PTPRT: variants seen among roughly 807,000 people sequenced by gnomAD.
PTPRT encodes the protein protein tyrosine phosphatase receptor type T.
PTPRT carries 56 observed loss-of-function variants against 176.8 expected under a neutral mutation model. The ratio of observed to expected loss-of-function variants is 0.32; its 90% confidence interval spans 0.26 to 0.40. The LOEUF is 0.40. Ranked by LOEUF, PTPRT falls within the 10% of genes least tolerant of loss-of-function variation. The probability of loss-of-function intolerance (pLI) is 1.00; values close to 1 mark genes in which losing one functional copy is unlikely to be tolerated. For missense variants in PTPRT, 1,540 were observed against 1,908.2 expected (o/e 0.81, Z 3.60); for synonymous variants, 783 against 739.0 (o/e 1.06, Z -0.96).
Position 42,084,802 on chromosome 20 carries a change from C to A in PTPRT, c.4016G>T (p.Gly1339Val). The A allele has an allele frequency of 6.5e-7, 1 of 1,545,968 alleles. No individual in the cohort carries two copies. Among genetic ancestry groups the A allele is most frequent in the South Asian group, 1.3e-5 (1 of 76,228 alleles). Residue 1339 changes from glycine (G) to valine (V), a missense_variant, in exon 29 of 31, where the codon GGC becomes GTC. Gly to Val is a moderately radical substitution (Grantham distance 109, BLOSUM62 -3). Coordinates refer to ENST00000373187, the MANE Select transcript of PTPRT (RefSeq NM_007050.6). ...GGGCGTGTCCCGGTAGGCAGGCCAG[C>A]CAATGTACTGGAGGTGCTGGACTAT... ...YRIVQHLQYI[G>V]WPAYRDTPPS... is the part of the protein sequence containing the mutation.
chr20:42,423,050 G>A (rs1446803686), intron 9 of PTPRT, among the ~76,000 whole-genome samples: 2 of 152,148 alleles, frequency 1.3e-5, no homozygotes, highest in East Asian at 3.9e-4. Flanking sequence ...TTCAGAGGGT[G>A]GAAGGTGGGA....
chr20:42,475,713 C>G (rs1256405108), intron 7 of PTPRT, among the ~76,000 whole-genome samples: 3 of 152,218 alleles, frequency 2.0e-5, no homozygotes, highest in African/African-American at 7.2e-5. Context: ...ACATTTAGTG[C>G]AAAGCTGACC....
At chr20:42,746,990 G>A (rs1393154774) in intron 6 of PTPRT, among the ~76,000 whole-genome samples, 1 of 152,138 alleles carries the variant, frequency 6.6e-6, no homozygotes, top group Non-Finnish European at 1.5e-5. Flanking sequence ...CACATGGTGG[G>A]GTGGGTAAGT....
intron 7 of PTPRT, among the ~76,000 whole-genome samples, chr20:42,662,964 ATATGTGTG>A (rs1364995252): frequency 1.7e-5 from 2 of 115,908 alleles, no homozygotes; most frequent in African/African-American, 7.6e-5. Context: ...ATACCTGAAT[ATATGTGTG>A]TGTGTGTGTG....
At chr20:43,150,597 C>T (rs973486357) in intron 1 of PTPRT, among the ~76,000 whole-genome samples, 3 of 152,166 alleles carry the variant, frequency 2.0e-5, no homozygotes, top group Admixed American at 6.5e-5. Context: ...GCTGGGACAA[C>T]AGGCACGTGT....
chr20:42,990,322 TG>T, intron 1 of PTPRT, among the ~76,000 whole-genome samples: 2 of 152,320 alleles, frequency 1.3e-5, no homozygotes, highest in Middle Eastern at 6.8e-3. Context: ...ATTTAGATAC[TG>T]CATTGAGGAT....
intron 15 of PTPRT, among the ~76,000 whole-genome samples, chr20:42,218,765 C>T (rs931135832): frequency 2.0e-5 from 3 of 152,248 alleles, no homozygotes; most frequent in Admixed American, 2.0e-4. Context: ...TGCACTGTCT[C>T]ATGCATTATG....
At position 42,682,180 on chromosome 20, in the gene PTPRT, T is replaced by A. The variant is rs568095241; in HGVS notation, c.860-4021A>T. 5.5e-4 allele frequency among the ~76,000 whole-genome samples: 84 copies of A among 152,258 alleles called. 1 individual carries two copies. Among genetic ancestry groups the A allele is most frequent in the African/African-American group, 2.0e-3 (83 of 41,542 alleles). On this transcript the variant is annotated intron_variant, in intron 6 of 30. Transcript: ENST00000373187. ...GAAGGCATAAGAAAAATTTGGGAGG[T>A]TATAACCATTTCTGTATCTTAACTG...
intron 1 of PTPRT, among the ~76,000 whole-genome samples, chr20:42,997,769 T>C (rs1212208491): frequency 6.6e-6 from 1 of 152,166 alleles, no homozygotes; most frequent in East Asian, 1.9e-4. Context: ...TGATCATTGT[T>C]GGTATCGTTC....
At chr20:42,888,529 G>T (rs1342762804) in intron 1 of PTPRT, among the ~76,000 whole-genome samples, 2 of 152,194 alleles carry the variant, frequency 1.3e-5, no homozygotes, top group African/African-American at 4.8e-5. Context: ...TAAATGACCT[G>T]CTCAGGCAAC....
chr20:42,177,347 A>G (rs1366139287), intron 16 of PTPRT, among the ~76,000 whole-genome samples: 1 of 152,252 alleles, frequency 6.6e-6, no homozygotes, highest in African/African-American at 2.4e-5. Context: ...CTCTTAAAAA[A>G]GCAAACATTA....
chr20:43,108,594 A>C (rs2146337628), intron 1 of PTPRT, among the ~76,000 whole-genome samples: 1 of 152,248 alleles, frequency 6.6e-6, no homozygotes, highest in East Asian at 1.9e-4. Flanking sequence ...AGGACAGATA[A>C]GAAATCTGCC....
chr20:42,084,540 G>A lies in PTPRT; in HGVS notation c.4136+142C>T, dbSNP rs189919867. ...TTAAAGGATCATAATTCCTTTGAAT[G>A]TACTGCCACTAGCCTTTGAGGGATG... On this transcript the variant is annotated intron_variant, in intron 29 of 30. Transcript: ENST00000373187. 14 of 649,146 alleles carry A rather than the reference G, an allele frequency of 2.2e-5. No individual in the cohort carries two copies. The East Asian group carries it at 4.1e-4, about 19-fold the overall frequency. 40.2% of individuals were successfully genotyped at this position (649,146 alleles called of 1,614,324 possible). A position where few individuals can be genotyped will look rare whatever the true frequency, so the allele number is the denominator to read the frequency against.
chr20:42,551,565 T>C (rs756310169), intron 7 of PTPRT, among the ~76,000 whole-genome samples: 5 of 152,218 alleles, frequency 3.3e-5, no homozygotes, highest in Non-Finnish European at 5.9e-5. Flanking sequence ...TAGTCAATGC[T>C]TATCTGGTGT....
At chr20:42,330,854 T>G (rs1277370438) in intron 11 of PTPRT, among the ~76,000 whole-genome samples, 1 of 152,196 alleles carries the variant, frequency 6.6e-6, no homozygotes, top group Non-Finnish European at 1.5e-5. Flanking sequence ...CAGTAGCATC[T>G]TCATCACCTA....
chr20:42,351,497 A>G (rs897729729), intron 10 of PTPRT, among the ~76,000 whole-genome samples: 2 of 152,208 alleles, frequency 1.3e-5, no homozygotes, highest in African/African-American at 4.8e-5. Context: ...TACAAAAAAA[A>G]CATGTTTTTC....
At chr20:42,446,246 G>GA (rs1415807140) in intron 9 of PTPRT, among the ~76,000 whole-genome samples, 2 of 152,030 alleles carry the variant, frequency 1.3e-5, no homozygotes, top group Admixed American at 6.5e-5. Flanking sequence ...TGCAAAATTA[G>GA]AAAAAATAAT....
chr20:43,061,574 C>T (rs1330082975), intron 1 of PTPRT, among the ~76,000 whole-genome samples: 1 of 152,192 alleles, frequency 6.6e-6, no homozygotes, highest in African/African-American at 2.4e-5. Context: ...AAGTGGTGTC[C>T]ACCATCTGGA....
chr20:42,799,868 C>A (rs1000118405), intron 2 of PTPRT, among the ~76,000 whole-genome samples: 3 of 152,136 alleles, frequency 2.0e-5, no homozygotes, highest in South Asian at 2.1e-4. Flanking sequence ...GACTTTACAG[C>A]GACTTTACCT....
Sources: gnomAD v4.1 joint callset for allele counts (sites outside exome capture counted in the v4.1 genomes callset) on GRCh38, gnomAD v4.1.1 for gene constraint, MANE v1.5 for transcripts, NCBI Gene and HGNC (gene_info 2026-07-23, HGNC 2026-07-21) for gene names.